The following SESN3 variants were observed in gnomAD, a reference collection of about 807,000 sequenced individuals.
The protein encoded by SESN3 is sestrin 3.
In SESN3, 21 loss-of-function variants were observed where a neutral mutation model predicts 55.3. That is an observed-to-expected ratio of 0.38 (90% CI 0.27 to 0.55). SESN3 has a LOEUF of 0.55. SESN3 is among the 20% of genes least tolerant of loss of function. The pLI is 0.76. For synonymous variants in SESN3, 181 were observed against 203.1 expected (o/e 0.89, Z 0.93); for missense variants, 408 against 604.3 (o/e 0.68, Z 3.41).
Position 95,188,311 on chromosome 11 carries a change from G to A in SESN3, c.525+1468C>T, listed in dbSNP as rs533801735. On this transcript the variant is annotated intron_variant, in intron 4 of 9. Coordinates refer to ENST00000536441, the MANE Select transcript of SESN3 (RefSeq NM_144665.4). ...TATAGAATATTTATATATGTGTACC[G>A]TAATAAAAACATAAAATACACAAAT... is the stretch of plus-strand genomic sequence containing the variant. Among the ~76,000 whole-genome samples, 24 of 151,322 alleles carry A rather than the reference G, an allele frequency of 1.6e-4. No individual in the cohort carries two copies. The East Asian group carries it at 2.1e-3, about 13-fold the overall frequency.
chr11:95,173,736 T>TA (rs1400023207), intron 9 of SESN3, among the ~76,000 whole-genome samples: 2 of 152,042 alleles, frequency 1.3e-5, no homozygotes, highest in Non-Finnish European at 2.9e-5. Context: ...TGAAAAGCTT[T>TA]AAAAAATTTT....
chr11:95,209,386 A>T (rs1860607968), intron 1 of SESN3, among the ~76,000 whole-genome samples: 1 of 151,450 alleles, frequency 6.6e-6, no homozygotes, highest in Non-Finnish European at 1.5e-5. Context: ...ATCATTAAAA[A>T]GTCAGGAAAC....
chr11:95,216,628 T>A lies in SESN3; in HGVS notation c.78+14155A>T, dbSNP rs146979428. Among the ~76,000 whole-genome samples the A allele has an allele frequency of 2.9e-3, 443 of 152,298 alleles. 4 individuals are homozygous for A. The highest frequency in any genetic ancestry group is 9.8e-3 in the African/African-American group (409 of 41,566). On this transcript the variant is annotated intron_variant, in intron 1 of 9. Transcript: ENST00000536441. The stretch of plus-strand genomic sequence containing the variant: ...GGAGTTATATCATTGAGGTGCTTAT[T>A]ATCAATTCATTCCATTTTCCACTGT...
chr11:95,207,140 A>ACTAGGCAC (rs1472555337), intron 1 of SESN3, among the ~76,000 whole-genome samples: 1 of 135,456 alleles, frequency 7.4e-6, no homozygotes, highest in Non-Finnish European at 1.6e-5. Flanking sequence ...TGCACTAGGC[A>ACTAGGCAC]TTCTAAGTTT....
chr11:95,196,522 G>A (rs931847756), intron 1 of SESN3, among the ~76,000 whole-genome samples: 13 of 151,216 alleles, frequency 8.6e-5, no homozygotes, highest in African/African-American at 2.4e-4. Flanking sequence ...CCTTTCCTCC[G>A]CCTTTCTTTC....
chr11:95,186,072 T>C (rs1190973605), intron 4 of SESN3, among the ~76,000 whole-genome samples: 1 of 151,986 alleles, frequency 6.6e-6, no homozygotes, highest in Non-Finnish European at 1.5e-5. Context: ...GGATCACAAA[T>C]GAAGTCATTA....
Position 95,185,349 on chromosome 11 carries a change from T to C in SESN3, c.669A>G (p.Gly223=). The change falls in exon 5 of 10, where the codon GGA becomes GGG. Residue 223 remains glycine, a synonymous_variant. Transcript: ENST00000536441. ...NPERDPEISN[G]FRLISVNNFC... ...AATTGTTGACTGATATTAGCCTGAA[T>C]CCATTGGAGATTTCTGGATCTCTCT... is the stretch of plus-strand genomic sequence containing the variant. The C allele has an allele frequency of 1.9e-6, 3 of 1,613,226 alleles. No homozygotes were observed. The highest frequency in any genetic ancestry group is 2.5e-6 in the Non-Finnish European group (3 of 1,179,366).
In SESN3 at chr11:95,189,782, A is replaced by G. The variant is rs769663453; in HGVS notation, c.522T>C (p.Ile174=). ...ATTTCAAAGAAACATTCAGTACCTG[A>G]ATGTGCTCTTTTGTGATCAGCCAAG... is the stretch of plus-strand genomic sequence containing the variant. ...HRPWLITKEH[I]QKLVKTGENN... is the part of the protein sequence containing the mutation. Residue 174 remains isoleucine (I), a synonymous_variant, in exon 4 of 10, where the codon ATT becomes ATC. Coordinates refer to ENST00000536441, the MANE Select transcript of SESN3 (RefSeq NM_144665.4). 9 of 1,599,902 alleles carry G rather than the reference A, an allele frequency of 5.6e-6. No homozygotes were observed. The East Asian group carries it at 2.0e-4, about 36-fold the overall frequency.
chr11:95,173,718 T>G (rs1859899294), intron 9 of SESN3, among the ~76,000 whole-genome samples: 1 of 152,020 alleles, frequency 6.6e-6, no homozygotes, highest in Admixed American at 6.5e-5. Flanking sequence ...CAGTTTATGC[T>G]TATCCTGTGA....
intron 8 of SESN3, among the ~76,000 whole-genome samples, chr11:95,176,914 C>A (rs754211146): frequency 6.6e-6 from 1 of 152,110 alleles, no homozygotes; most frequent in Non-Finnish European, 1.5e-5. Context: ...TAATCTATTA[C>A]ATGGAATATC....
At chr11:95,185,850 G>A (rs1860152787) in intron 4 of SESN3, among the ~76,000 whole-genome samples, 2 of 151,738 alleles carry the variant, frequency 1.3e-5, no homozygotes, top group African/African-American at 2.4e-5. Context: ...TTCATTTTAA[G>A]GTATATTGGA....
chr11:95,187,947 C>T (rs1860196435), intron 4 of SESN3, among the ~76,000 whole-genome samples: 1 of 151,278 alleles, frequency 6.6e-6, no homozygotes, highest in Non-Finnish European at 1.5e-5. Flanking sequence ...TGCCAGTCAC[C>T]AAAGTCCTAC....
chr11:95,182,081 G>T (rs1250659145), intron 6 of SESN3: 1 of 282,906 alleles, frequency 3.5e-6, no homozygotes, highest in Non-Finnish European at 7.0e-6. Context: ...AGACTTTCTA[G>T]TCAAAATTCA....
rs1364772831 is a variant in SESN3 at position 95,171,567 on chromosome 11, G to A, written c.*1688C>T. 1 of 152,124 alleles carries A rather than the reference G, an allele frequency of 6.6e-6. No homozygotes were observed. Among genetic ancestry groups the A allele is most frequent in the African/African-American group, 2.4e-5 (1 of 41,444 alleles). The allele number at this position is 152,124 out of a possible 1,614,324, so 9.4% of individuals were successfully genotyped here. On this transcript the variant is annotated 3_prime_UTR_variant, in exon 10 of 10. Coordinates refer to ENST00000536441, the MANE Select transcript of SESN3 (RefSeq NM_144665.4). ...AGGAAAATGATTTCATGAAACACTA[G>A]TTCACGATTCTTTCACAAAAGAAAA...
At chr11:95,208,563 G>T (rs922663159) in intron 1 of SESN3, among the ~76,000 whole-genome samples, 2 of 151,368 alleles carry the variant, frequency 1.3e-5, no homozygotes, top group East Asian at 1.9e-4. Flanking sequence ...AGAATTGAAA[G>T]AAACTACTTT....
At chr11:95,185,562 T>C (rs1860147391) in intron 4 of SESN3, 70 bp from the exon 5 acceptor site, 1 of 981,994 alleles carries the variant, frequency 1.0e-6, no homozygotes, top group African/African-American at 1.6e-5. Context: ...TCAATGAAAA[T>C]CTACCAATTT....
At position 95,166,688 on chromosome 11, in the gene SESN3, T is replaced by C. The variant is rs1450335288; in HGVS notation, c.*6567A>G. 2 of 152,222 alleles carry C rather than the reference T, an allele frequency of 1.3e-5. No homozygotes were observed. Among genetic ancestry groups the C allele is most frequent in the Admixed American group, 1.3e-4 (2 of 15,282 alleles). 9.4% of individuals were successfully genotyped at this position (152,222 alleles called of 1,614,324 possible). On this transcript the variant is annotated 3_prime_UTR_variant, in exon 10 of 10. Coordinates refer to ENST00000536441, the MANE Select transcript of SESN3 (RefSeq NM_144665.4). ...CCAAGTAGCAAGGCCATGTTGCAAG[T>C]GGACCTGACAGGGTTCTTTATAACC...
chr11:95,220,794 CCTAAGT>C (rs1475210280), intron 1 of SESN3, among the ~76,000 whole-genome samples: 1 of 152,136 alleles, frequency 6.6e-6, no homozygotes, highest in Non-Finnish European at 1.5e-5. Context: ...GGTTGCAAAT[CCTAAGT>C]CTGTCACTTA....
At chr11:95,188,397 T>C (rs1398164287) in intron 4 of SESN3, among the ~76,000 whole-genome samples, 2 of 151,780 alleles carry the variant, frequency 1.3e-5, no homozygotes, top group African/African-American at 2.4e-5. Context: ...CTGTTAATAT[T>C]TTGGAAAATT....
Sources: allele counts gnomAD v4.1 joint callset (sites outside exome capture counted in the v4.1 genomes callset), GRCh38; gene constraint gnomAD v4.1.1; transcripts MANE v1.5; gene names NCBI Gene and HGNC (gene_info 2026-07-23, HGNC 2026-07-21).